Variants in SPON2 observed in about 807,000 individuals in gnomAD.
SPON2 encodes spondin-2.
SPON2 carries 32 observed loss-of-function variants against 29.9 expected under a neutral mutation model. The ratio of observed to expected loss-of-function variants is 1.07; its 90% CI spans 0.81 to 1.44. SPON2 has a LOEUF of 1.44. Ranked by LOEUF, SPON2 falls within the 40% of genes most tolerant of loss-of-function variation. The pLI, the probability that SPON2 is intolerant of heterozygous loss-of-function variation, is 0.00. For synonymous variants in SPON2, 248 were observed against 209.1 expected, an observed-to-expected ratio of 1.19 and a Z score of -1.61; for missense variants, 541 against 455.5, an observed-to-expected ratio of 1.19 and a Z score of -1.71.
At chr4:1,196,946 A>T (rs1183248490), upstream of SPON2, 5 of 152,326 alleles carry the variant, frequency 3.3e-5, no homozygotes, top group Non-Finnish European at 7.3e-5. Flanking sequence ...AAACAGGGCT[A>T]AGTAGGGCCT....
chr4:1,207,535 CACAT>C (rs1728371953), intron 1 of SPON2, among the ~76,000 whole-genome samples: 1 of 151,572 alleles, frequency 6.6e-6, no homozygotes, highest in African/African-American at 2.4e-5. Context: ...GCCGCGCTTA[CACAT>C]GCTCCAGAGG....
In SPON2 at chr4:1,171,269, G is replaced by A. The variant is rs1205367434; in HGVS notation, c.438C>T (p.His146=). The A allele has an allele frequency of 6.6e-7, 1 of 1,521,378 alleles. No individual in the cohort carries two copies. The highest frequency in any genetic ancestry group is 8.8e-7 in the Non-Finnish European group (1 of 1,141,786). 94.2% of individuals were successfully genotyped at this position (1,521,378 alleles called of 1,614,324 possible). Reference sequence around the variant, plus strand: ...CGGCCGGCCCCGCGCTCACCAGCGAGTGCCTGCGCTGCACCTCCAGCTCCG... The same window carrying A: ...CGGCCGGCCCCGCGCTCACCAGCGAATGCCTGCGCTGCACCTCCAGCTCCG... The part of the protein sequence containing the change: ...TSAELEVQRR[H]SLVSFVVRIV... The change falls in exon 3 of 6, where the codon CAC becomes CAT. Residue 146 remains histidine, a synonymous_variant. Transcript: ENST00000290902.
chr4:1,170,957 G>T, intron 4 of SPON2, 42 bp downstream of exon 4: 12 of 1,543,704 alleles, frequency 7.8e-6, no homozygotes, highest in Non-Finnish European at 9.6e-6. Flanking sequence ...TCCCCACCGC[G>T]GGGGCCATAG....
upstream of SPON2, among the ~76,000 whole-genome samples, chr4:1,196,414 C>T (rs1411694900): frequency 6.6e-6 from 1 of 152,194 alleles, no homozygotes; most frequent in Admixed American, 6.5e-5. Flanking sequence ...GAAGCAGCTG[C>T]GGGAAGTGCA....
chr4:1,198,390 A>G (rs1728119466), upstream of SPON2, among the ~76,000 whole-genome samples: 1 of 152,212 alleles, frequency 6.6e-6, no homozygotes, highest in African/African-American at 2.4e-5. Context: ...AAGTCATCCC[A>G]GGGTTACTTT....
At chr4:1,193,838 T>TG (rs1256495166) in intron 1 of SPON2, among the ~76,000 whole-genome samples, 1 of 24,822 alleles carries the variant, frequency 4.0e-5, no homozygotes, top group Non-Finnish European at 7.0e-5. Flanking sequence ...GGGAAGGACG[T>TG]GGGGGGGCAG....
upstream of SPON2, among the ~76,000 whole-genome samples, chr4:1,177,990 A>ACTTG (rs1425870199): frequency 6.6e-6 from 1 of 152,178 alleles, no homozygotes; most frequent in African/African-American, 2.4e-5. Context: ...GACACATCAC[A>ACTTG]CTTGCTTGTC....
chr4:1,173,636 G>A (rs1384775623), upstream of SPON2, among the ~76,000 whole-genome samples: 1 of 152,230 alleles, frequency 6.6e-6, no homozygotes, highest in Admixed American at 6.5e-5. Context: ...TCTGCTCATC[G>A]GAATCACCCA....
chr4:1,200,536 A>G (rs1728172394), intron 1 of SPON2: 1 of 313,198 alleles, frequency 3.2e-6, no homozygotes, highest in Middle Eastern at 4.7e-4. Flanking sequence ...CCAGGATGTT[A>G]TGGATCTGGC....
At chr4:1,185,311 A>C (rs1025847402) in intron 1 of SPON2, among the ~76,000 whole-genome samples, 2 of 151,676 alleles carry the variant, frequency 1.3e-5, no homozygotes, top group Non-Finnish European at 1.5e-5. Flanking sequence ...CCTTACCTCA[A>C]GTGATCTGCC....
At chr4:1,192,025 GGT>G (rs1298347450) in intron 1 of SPON2, among the ~76,000 whole-genome samples, 10 of 152,336 alleles carry the variant, frequency 6.6e-5, no homozygotes, top group East Asian at 1.9e-4. Flanking sequence ...TGAGGATGTG[GGT>G]GCCCCTCATC....
rs1727388397 is a variant in SPON2, at chr4:1,170,457, G to A, written c.756C>T (p.Ile252=). Residue 252 remains isoleucine, a synonymous_variant, in exon 5 of 6, where the codon ATC becomes ATT. Coordinates refer to ENST00000290902, the MANE Select transcript of SPON2 (RefSeq NM_012445.4). ...VRLRQSPRAF[I]PPAPVLPSRD... ...TGCTGGGCAGGACTGGGGCGGGAGGGATGAAGGCCCTGGGGCTCTGTCGCA... is the reference window on the plus strand; with the variant it reads ...TGCTGGGCAGGACTGGGGCGGGAGGAATGAAGGCCCTGGGGCTCTGTCGCA... 2 of 1,614,018 alleles carry A rather than the reference G, an allele frequency of 1.2e-6. No homozygotes were observed. The highest frequency in any genetic ancestry group is 1.7e-6 in the Non-Finnish European group (2 of 1,179,954).
chr4:1,185,962 T>A (rs528723448), intron 1 of SPON2, among the ~76,000 whole-genome samples: 1 of 152,110 alleles, frequency 6.6e-6, no homozygotes, highest in South Asian at 2.1e-4. Flanking sequence ...AGGCAACATC[T>A]GGCCGGGCGT....
At chr4:1,175,567 T>A (rs1269148338), upstream of SPON2, among the ~76,000 whole-genome samples, 1 of 96,722 alleles carries the variant, frequency 1.0e-5, no homozygotes, top group Non-Finnish European at 2.1e-5. Context: ...CCAGGCTGTG[T>A]GGGGGGAGTC....
Position 1,170,573 on chromosome 4 carries a change from T to C in SPON2, c.640A>G (p.Thr214Ala). Residue 214 changes from threonine (T) to alanine (A), a missense_variant, in exon 5 of 6, where the codon ACG becomes GCG. Coordinates refer to ENST00000290902, the MANE Select transcript of SPON2 (RefSeq NM_012445.4). ...TIPQDTVTEITSSSPSHPANS... is the reference protein window; with the variant it reads ...TIPQDTVTEIASSSPSHPANS... ...GCCGGGTGGCTGGGAGAGGAGGACG[T>C]TATCTGGGGAGGAAGAAGAGGAGGT... The C allele has an allele frequency of 6.2e-7, 1 of 1,607,722 alleles. No homozygotes were observed. Among genetic ancestry groups the C allele is most frequent in the Non-Finnish European group, 8.5e-7 (1 of 1,178,260 alleles).
chr4:1,181,796 TCTGATTG>T (rs1157975102), intron 1 of SPON2, among the ~76,000 whole-genome samples: 2 of 152,220 alleles, frequency 1.3e-5, no homozygotes, highest in African/African-American at 4.8e-5. Context: ...GGATTGGTGT[TCTGATTG>T]CTGATTGCTG....
chr4:1,178,828 G>T (rs1277578023), intron 2 of SPON2, among the ~76,000 whole-genome samples: 3 of 152,112 alleles, frequency 2.0e-5, no homozygotes, highest in Non-Finnish European at 1.5e-5. Flanking sequence ...GTGTCCAAGG[G>T]TGACCTCCCA....
chr4:1,194,489 C>A (rs999277854), intron 1 of SPON2, among the ~76,000 whole-genome samples: 1 of 152,130 alleles, frequency 6.6e-6, no homozygotes, highest in African/African-American at 2.4e-5. Flanking sequence ...GAAGCCGGGC[C>A]GCGGTAGCGC....
At chr4:1,182,410 C>T (rs539716938) in intron 1 of SPON2, among the ~76,000 whole-genome samples, 42 of 151,658 alleles carry the variant, frequency 2.8e-4, no homozygotes, top group African/African-American at 9.9e-4. Context: ...AAAAAGAAAC[C>T]AAAAAGAAAT....
Sources: allele counts gnomAD v4.1 joint callset (sites outside exome capture counted in the v4.1 genomes callset), GRCh38; gene constraint gnomAD v4.1.1; transcripts MANE v1.5; gene names NCBI Gene and HGNC (gene_info 2026-07-23, HGNC 2026-07-21).